DHRSX: variants seen among roughly 807,000 people sequenced by gnomAD.
DHRSX encodes polyprenol dehydrogenase.
In DHRSX, 31 loss-of-function variants were observed where a neutral mutation model predicts 34.0. The observed-to-expected ratio is 0.91, with a 90% CI of 0.69 to 1.23. DHRSX has a LOEUF of 1.23. DHRSX is among the 50% of genes most tolerant of loss of function. The pLI, the probability that DHRSX is intolerant of heterozygous loss-of-function variation, is 0.00. For synonymous variants in DHRSX, 201 were observed against 183.8 expected, an observed-to-expected ratio of 1.09 and a Z score of -0.76; for missense variants, 414 against 428.1, an observed-to-expected ratio of 0.97 and a Z score of 0.29.
chrX:2,297,590 T>C (rs2041949136), intron 3 of DHRSX, among the ~76,000 whole-genome samples: 1 of 152,154 alleles, frequency 6.6e-6, no homozygotes, highest in Non-Finnish European at 1.5e-5. Context: ...TATCCTGTAT[T>C]AGCCTAAATA....
chrX:2,400,270 G>A (rs931103058), intron 3 of DHRSX, among the ~76,000 whole-genome samples: 1 of 152,128 alleles, frequency 6.6e-6, no homozygotes, highest in Non-Finnish European at 1.5e-5. Context: ...GGGGTGTGGG[G>A]AGAATTCCAT....
intron 4 of DHRSX, among the ~76,000 whole-genome samples, chrX:2,275,845 T>A (rs1237341072): frequency 6.8e-6 from 1 of 146,934 alleles, no homozygotes; most frequent in Non-Finnish European, 1.5e-5. Flanking sequence ...TTAAAAATTT[T>A]AATTTAATTT....
chrX:2,337,326 T>G (rs1281739646), intron 3 of DHRSX, among the ~76,000 whole-genome samples: 1 of 152,146 alleles, frequency 6.6e-6, no homozygotes, highest in African/African-American at 2.4e-5. Context: ...AGTAGTGTTG[T>G]TTGGCTCTGA....
intron 3 of DHRSX, among the ~76,000 whole-genome samples, chrX:2,401,233 C>G (rs2043482449): frequency 6.6e-6 from 1 of 151,724 alleles, no homozygotes; most frequent in African/African-American, 2.4e-5. Context: ...GCCTCAGCCT[C>G]CTGAGTAGCT....
intron 1 of DHRSX, among the ~76,000 whole-genome samples, chrX:2,461,686 C>G (rs1009689519): frequency 1.3e-5 from 2 of 152,136 alleles, no homozygotes; most frequent in African/African-American, 4.8e-5. Flanking sequence ...TGACCACACA[C>G]GCGTGGCACC....
At chrX:2,284,018 GAATT>G (rs1447069070) in intron 4 of DHRSX, among the ~76,000 whole-genome samples, 2 of 151,304 alleles carry the variant, frequency 1.3e-5, no homozygotes, top group Non-Finnish European at 2.9e-5. Context: ...TCATTCCTCT[GAATT>G]TATTCATTCC....
chrX:2,347,375 C>T (rs907321662), intron 3 of DHRSX, among the ~76,000 whole-genome samples: 4 of 152,294 alleles, frequency 2.6e-5, no homozygotes, highest in African/African-American at 9.6e-5. Context: ...CCACTGGGTC[C>T]CTCCCACAAC....
intron 4 of DHRSX, among the ~76,000 whole-genome samples, chrX:2,271,603 G>A (rs954842672): frequency 3.3e-5 from 5 of 152,128 alleles, no homozygotes; most frequent in African/African-American, 1.2e-4. Context: ...TAAACCAACT[G>A]GGAGGGATCC....
rs1347183923 is a variant in DHRSX at position 2,465,617 on chromosome X, A to G, written c.109+35200T>C. On this transcript the variant is annotated intron_variant, in intron 1 of 6. Transcript: ENST00000334651. ...CAGGAGTTCGAAACCAGCCTGCCCA[A>G]CAGGTGAAACCCCGTCTCTACTAAA... Among the ~76,000 whole-genome samples the G allele has an allele frequency of 1.6e-4, 24 of 151,404 alleles. 1 individual carries two copies. Among genetic ancestry groups the G allele is most frequent in the South Asian group, 1.5e-3 (7 of 4,798 alleles).
chrX:2,282,879 G>C lies in DHRSX; in HGVS notation c.388+8623C>G, dbSNP rs185372433. On this transcript the variant is annotated intron_variant, in intron 4 of 6. Transcript: ENST00000334651. ...GGAGAAGGGGAGAGAGAGGGGGAGA[G>C]AGGGAGGGAGGAGGGAGAAGGGAGG... Among the ~76,000 whole-genome samples the C allele has an allele frequency of 4.1e-3, 601 of 146,146 alleles. 2 individuals are homozygous for C. The highest frequency in any genetic ancestry group is 0.014 in the African/African-American group (552 of 38,266).
intron 3 of DHRSX, among the ~76,000 whole-genome samples, chrX:2,372,338 G>C (rs1329973914): frequency 1.3e-5 from 2 of 152,062 alleles, no homozygotes; most frequent in African/African-American, 4.8e-5. Context: ...ATGGAGTTTT[G>C]CTATAGATCT....
intron 1 of DHRSX, among the ~76,000 whole-genome samples, chrX:2,484,541 G>A (rs1362856623): frequency 1.3e-5 from 2 of 152,100 alleles, no homozygotes; most frequent in African/African-American, 4.8e-5. Flanking sequence ...TGGAAGAAAC[G>A]AGCCAAACCC....
Position 2,347,750 on chromosome X carries a change from G to A in DHRSX, c.287-56147C>T, listed in dbSNP as rs768722228. Among the ~76,000 whole-genome samples, 7 of 152,268 alleles carry A rather than the reference G, an allele frequency of 4.6e-5. No individual in the cohort carries two copies. In the South Asian group the frequency reaches 1.5e-3, roughly 32 times the overall value. On this transcript the variant is annotated intron_variant, in intron 3 of 6. Coordinates refer to ENST00000334651, the MANE Select transcript of DHRSX (RefSeq NM_145177.3). ...CAAACCATATGAGATGTAATGAGCT[G>A]TACATTTTCCCAGGCATTTAATGCC...
intron 1 of DHRSX, among the ~76,000 whole-genome samples, chrX:2,456,387 G>A (rs1461112758): frequency 1.3e-5 from 2 of 152,052 alleles, no homozygotes; most frequent in African/African-American, 4.8e-5. Flanking sequence ...GCTGAGGCAG[G>A]TGGATCACCT....
chrX:2,323,067 G>GTGCCAGC (rs2042332598), intron 3 of DHRSX, among the ~76,000 whole-genome samples: 1 of 151,074 alleles, frequency 6.6e-6, no homozygotes, highest in Non-Finnish European at 1.5e-5. Flanking sequence ...GGGATTACAG[G>GTGCCAGC]CGCCACACCC....
chrX:2,330,154 GGAA>G (rs1262694359), intron 3 of DHRSX, among the ~76,000 whole-genome samples: 57 of 132,708 alleles, frequency 4.3e-4, no homozygotes, highest in Non-Finnish European at 3.7e-4. Context: ...GGAGGAGAAA[GGAA>G]GGAGGAGGAG....
At chrX:2,324,855 G>C (rs1451765516) in intron 3 of DHRSX, among the ~76,000 whole-genome samples, 2 of 146,350 alleles carry the variant, frequency 1.4e-5, no homozygotes, top group Admixed American at 7.0e-5. Context: ...TGCAACCTCC[G>C]CCTCCCGGGT....
rs762376360 is a variant in DHRSX at position 2,362,903 on chromosome X, G to A, written c.286+45842C>T. On this transcript the variant is annotated intron_variant, in intron 3 of 6. Coordinates refer to ENST00000334651, the MANE Select transcript of DHRSX (RefSeq NM_145177.3). ...GATATCATGCCGCCATTTTATCACC[G>A]TTCTATGGTATCATGCCACCATTTT... 2.1e-3 allele frequency among the ~76,000 whole-genome samples: 242 copies of A among 116,924 alleles called. 4 individuals carry two copies. The highest frequency in any genetic ancestry group is 6.0e-3 in the African/African-American group (209 of 34,710). 76.7% of individuals were successfully genotyped at this position (116,924 alleles called of 152,430 possible).
intron 3 of DHRSX, among the ~76,000 whole-genome samples, chrX:2,394,662 TCGAGACCGTC>T (rs2043386272): frequency 6.6e-6 from 1 of 151,652 alleles, no homozygotes; most frequent in Non-Finnish European, 1.5e-5. Flanking sequence ...GGTCAAGAGA[TCGAGACCGTC>T]CTGGCCAACA....
Sources: gnomAD v4.1 joint callset for allele counts (sites outside exome capture counted in the v4.1 genomes callset) on GRCh38, gnomAD v4.1.1 for gene constraint, MANE v1.5 for transcripts, NCBI Gene and HGNC (gene_info 2026-07-23, HGNC 2026-07-21) for gene names.